The following C19orf47 variants were observed in gnomAD, a reference collection of about 807,000 sequenced individuals.
C19orf47 encodes uncharacterized protein C19orf47.
In C19orf47, 18 loss-of-function variants were observed where a neutral mutation model predicts 32.3. The ratio of observed to expected loss-of-function variants is 0.56; its 90% CI spans 0.39 to 0.83. The LOEUF (loss-of-function observed/expected upper bound fraction) is 0.83. C19orf47 is among the 40% of genes least tolerant of loss of function. The pLI is 0.00. For missense variants in C19orf47, 484 were observed against 531.6 expected, an observed-to-expected ratio of 0.91 and a Z score of 0.88; for synonymous variants, 202 against 211.1, an observed-to-expected ratio of 0.96 and a Z score of 0.37.
intron 2 of C19orf47, among the ~76,000 whole-genome samples, chr19:40,337,446 A>C (rs1448589307): frequency 6.6e-6 from 1 of 151,822 alleles, no homozygotes; most frequent in East Asian, 1.9e-4. Flanking sequence ...AACTGACCCC[A>C]ACCTGCCAGG....
rs746369605 is a variant in C19orf47, at chr19:40,321,713, G to A, written c.*169C>T. 5.4e-5 allele frequency: 77 copies of A among 1,426,260 alleles called. No individual in the cohort carries two copies. Among genetic ancestry groups the A allele is most frequent in the Non-Finnish European group, 6.9e-5 (76 of 1,095,876 alleles). The allele number at this position is 1,426,260 out of a possible 1,614,324, so 88.4% of individuals were successfully genotyped here. ...AGGCCAGCTGCGACGACCATCCCAG[G>A]CTAGGAGAAATGGGGTGATCCCCCG... On this transcript the variant is annotated 3_prime_UTR_variant, in exon 9 of 9. Transcript: ENST00000683109.
the C19orf47 span, among the ~76,000 whole-genome samples, chr19:40,312,209 C>G: frequency 3.3e-5 from 5 of 152,106 alleles, no homozygotes; most frequent in Non-Finnish European, 7.4e-5. Context: ...GGGCCAGTGA[C>G]TGTGGCAGAA....
rs889503320 is a variant in C19orf47 at position 40,322,279 on chromosome 19, T to C, written c.761A>G (p.Tyr254Cys). ...TCCTAGCTTCTTCAGGACCCCGGCA[T>C]ACTGCAAGACAGAGCTGCTGCTGTC... ...DNDSSSSVLQ[Y>C]AGVLKKLGRG... Residue 254 changes from tyrosine (Y) to cysteine (C), a missense_variant, in exon 9 of 9, where the codon TAT becomes TGT. Transcript: ENST00000683109. The C allele has an allele frequency of 2.5e-6, 4 of 1,609,132 alleles. No individual in the cohort carries two copies. Among genetic ancestry groups the C allele is most frequent in the Non-Finnish European group, 3.4e-6 (4 of 1,179,964 alleles).
chr19:40,327,203 G>A (rs1355598754), intron 6 of C19orf47, among the ~76,000 whole-genome samples: 1 of 151,476 alleles, frequency 6.6e-6, no homozygotes. Context: ...TGGTAGACAT[G>A]GGGTTTCACC....
upstream of C19orf47, chr19:40,348,407 G>A (rs370249381): frequency 1.2e-5 from 17 of 1,395,562 alleles, 1 homozygote; most frequent in South Asian, 1.9e-4. Flanking sequence ...CCCCCGGCCC[G>A]GGCTGCCCGC....
At position 40,322,188 on chromosome 19, in the gene C19orf47, C is replaced by T. The variant is rs1283047168; in HGVS notation, c.852G>A (p.Ala284=). 10 of 1,611,770 alleles carry T rather than the reference C, an allele frequency of 6.2e-6. No individual in the cohort carries two copies. The highest frequency in any genetic ancestry group is 5.3e-5 in the African/African-American group (4 of 74,956). Reference sequence around the variant, plus strand: ...GCAGTGTCGGGGCAGCAGCCGTTGTCGCTGAGCTTGTGGCCTTGGCTTTGA... The same window carrying T: ...GCAGTGTCGGGGCAGCAGCCGTTGTTGCTGAGCTTGTGGCCTTGGCTTTGA... The part of the protein sequence containing the change: ...LTVKAKATSS[A]TTAAAPTLRR... The change falls in exon 9 of 9, where the codon GCG becomes GCA. Residue 284 remains alanine, a synonymous_variant. Transcript: ENST00000683109.
intron 1 of C19orf47, among the ~76,000 whole-genome samples, chr19:40,347,300 C>T (rs1167826604): frequency 6.6e-6 from 1 of 151,952 alleles, no homozygotes; most frequent in Non-Finnish European, 1.5e-5. Context: ...GAGGCAGAGG[C>T]GGGCAGATCA....
At chr19:40,331,917 A>G (rs2077962285) in intron 5 of C19orf47, among the ~76,000 whole-genome samples, 1 of 151,678 alleles carries the variant, frequency 6.6e-6, no homozygotes. Context: ...AGGCACCTGT[A>G]ATGCCAGCAA....
chr19:40,325,698 G>C (rs1178401245), intron 7 of C19orf47, among the ~76,000 whole-genome samples: 1 of 152,204 alleles, frequency 6.6e-6, no homozygotes, highest in Non-Finnish European at 1.5e-5. Flanking sequence ...CCTAGATGCT[G>C]GTCTGGAAAG....
downstream of C19orf47, among the ~76,000 whole-genome samples, chr19:40,316,895 A>T (rs2077665645): frequency 6.6e-6 from 1 of 152,164 alleles, no homozygotes; most frequent in Non-Finnish European, 1.5e-5. Context: ...TAAATAAATT[A>T]GACTACTAAG....
At chr19:40,339,534 G>GA (rs753910558) in intron 2 of C19orf47, among the ~76,000 whole-genome samples, 102 of 152,262 alleles carry the variant, frequency 6.7e-4, no homozygotes, top group Non-Finnish European at 1.2e-3. Context: ...GCAGTGAAAA[G>GA]AAAGTCAACA....
chr19:40,316,946 CTG>C (rs532127400), downstream of C19orf47, among the ~76,000 whole-genome samples: 26 of 125,894 alleles, frequency 2.1e-4, no homozygotes, highest in South Asian at 3.4e-4. Flanking sequence ...TGCTCCTCTG[CTG>C]TGTGTGTGTG....
intron 2 of C19orf47, among the ~76,000 whole-genome samples, chr19:40,341,533 G>T (rs1487787934): frequency 6.6e-6 from 1 of 152,106 alleles, no homozygotes; most frequent in African/African-American, 2.4e-5. Flanking sequence ...TTAATCCCAG[G>T]ATGTGTGAAT....
At chr19:40,329,665 G>A (rs1263736510) in intron 5 of C19orf47, among the ~76,000 whole-genome samples, 5 of 152,108 alleles carry the variant, frequency 3.3e-5, no homozygotes, top group Non-Finnish European at 7.3e-5. Flanking sequence ...CCTCTCTGCA[G>A]GAAGAAATTC....
chr19:40,336,067 C>T, intron 4 of C19orf47, 43 bp downstream of exon 4: 1 of 1,584,416 alleles, frequency 6.3e-7, no homozygotes, highest in Non-Finnish European at 8.7e-7. Flanking sequence ...CCCTCCACCT[C>T]CATGCCAAAC....
rs1361594190 is a variant in C19orf47, at chr19:40,345,856, A to AG, written c.-34+2467_-34+2468insC. On this transcript the variant is annotated intron_variant, in intron 1 of 8. Transcript: ENST00000683109. ...AGAGCAAGACTCAGTCTCAAAAAAA[A>AG]AAAAAAAAAAAGGAAAGGTGGCTGG... is the stretch of plus-strand genomic sequence containing the variant. Among the ~76,000 whole-genome samples the AG allele has an allele frequency of 2.7e-5, 4 of 149,824 alleles. No homozygotes were observed. In the East Asian group the frequency reaches 7.9e-4, roughly 30 times the overall value.
the C19orf47 span, among the ~76,000 whole-genome samples, chr19:40,294,055 G>C: frequency 1.3e-5 from 2 of 152,128 alleles, no homozygotes; most frequent in Non-Finnish European, 2.9e-5. Context: ...GTGAGGCGGA[G>C]GTTGCAGTGT....
At position 40,321,200 on chromosome 19, in the gene C19orf47, C is replaced by G. The variant is rs976733435; in HGVS notation, c.*682G>C. The G allele has an allele frequency of 5.0e-5, 49 of 978,024 alleles. No homozygotes were observed. The highest frequency in any genetic ancestry group is 5.4e-5 in the Non-Finnish European group (44 of 821,926). The allele number at this position is 978,024 out of a possible 1,614,324, so 60.6% of individuals were successfully genotyped here. On this transcript the variant is annotated 3_prime_UTR_variant, in exon 9 of 9. Coordinates refer to ENST00000683109, the MANE Select transcript of C19orf47 (RefSeq NM_001256441.2). ...CCAGGGCAGGAAAACGGATGCGCCT[C>G]AGCCGCAGCCCAGGGTCTGGAGAGG...
At chr19:40,340,123 G>T (rs1208066889) in intron 2 of C19orf47, among the ~76,000 whole-genome samples, 5 of 151,246 alleles carry the variant, frequency 3.3e-5, no homozygotes, top group South Asian at 2.1e-4. Context: ...TCTTTTTTTT[G>T]ACCTGGATGG....
Sources: allele counts gnomAD v4.1 joint callset (sites outside exome capture counted in the v4.1 genomes callset), GRCh38; gene constraint gnomAD v4.1.1; transcripts MANE v1.5; gene names NCBI Gene and HGNC (gene_info 2026-07-23, HGNC 2026-07-21).